Variants in CAPN5 observed in about 807,000 individuals in gnomAD.
The protein encoded by CAPN5 is calpain 5, also known as calpain-5.
A neutral mutation model predicts 73.0 loss-of-function variants in CAPN5; 54 were observed. The ratio of observed to expected loss-of-function variants is 0.74; its 90% CI spans 0.59 to 0.93. The LOEUF (loss-of-function observed/expected upper bound fraction) is 0.93. Among genes scored for constraint, CAPN5 ranks in the 40% least tolerant of loss-of-function variants. The pLI, the probability that CAPN5 is intolerant of heterozygous loss-of-function variation, is 0.00. For synonymous variants in CAPN5, 335 were observed against 356.9 expected, an observed-to-expected ratio of 0.94 and a Z score of 0.69; for missense variants, 785 against 882.9, an observed-to-expected ratio of 0.89 and a Z score of 1.41.
chr11:77,122,098 T>C, intron 11 of CAPN5, 49 bp downstream of exon 11: 2 of 1,133,054 alleles, frequency 1.8e-6, no homozygotes, highest in Non-Finnish European at 2.5e-6. Flanking sequence ...AGTTGTCCCA[T>C]GGCCTCTCTC....
intron 1 of CAPN5, among the ~76,000 whole-genome samples, chr11:77,079,823 G>A (rs1053914657): frequency 1.3e-5 from 2 of 151,502 alleles, no homozygotes; most frequent in Non-Finnish European, 2.9e-5. Flanking sequence ...GTCTGTGTGT[G>A]TGTTTCACTT....
rs782494182 is a variant in CAPN5 at position 77,115,536 on chromosome 11, C to T, written c.841C>T (p.Arg281Cys). ...FFKSEKLDMI[R>C]LRNPWGEREW... ...CAAGTCAGAGAAGTTGGACATGATC[C>T]GCCTGCGCAACCCCTGGGGCGAGCG... is the stretch of plus-strand genomic sequence containing the variant. The change falls in exon 6 of 13, where the codon CGC becomes TGC. Residue 281 changes from arginine (R) to cysteine (C), a missense_variant. Arg to Cys is a radical substitution (Grantham distance 180). Transcript: ENST00000648180. The T allele has an allele frequency of 1.2e-5, 19 of 1,613,124 alleles. No homozygotes were observed. The highest frequency in any genetic ancestry group is 1.8e-4 in the Middle Eastern group (1 of 5,506).
Position 77,125,388 on chromosome 11 carries a change from G to A in CAPN5, c.*1518G>A, listed in dbSNP as rs965238725. 4.6e-5 allele frequency: 7 copies of A among 152,582 alleles called. No homozygotes were observed. Among genetic ancestry groups the A allele is most frequent in the African/African-American group, 1.4e-4 (6 of 41,442 alleles). 9.5% of individuals were successfully genotyped at this position (152,582 alleles called of 1,614,324 possible). A position where few individuals can be genotyped will look rare whatever the true frequency, so the allele number is the denominator to read the frequency against. On this transcript the variant is annotated 3_prime_UTR_variant, in exon 13 of 13. Coordinates refer to ENST00000648180, the MANE Select transcript of CAPN5 (RefSeq NM_004055.5). ...GGGGCCAGGAAATGAACGACAAGGA[G>A]GATAAGAGTGTTCTTTCTTGAAAGC...
At chr11:77,111,118 G>C (rs540130696) in intron 3 of CAPN5, among the ~76,000 whole-genome samples, 1 of 152,212 alleles carries the variant, frequency 6.6e-6, no homozygotes, top group South Asian at 2.1e-4. Context: ...TGCGGATGCT[G>C]CTGAGTAGGG....
At chr11:77,093,510 G>A (rs765242831) in intron 2 of CAPN5, among the ~76,000 whole-genome samples, 172 bp from the exon 3 acceptor site, 35 of 152,222 alleles carry the variant, frequency 2.3e-4, no homozygotes, top group Non-Finnish European at 4.4e-4. Context: ...CAAGCGGGGA[G>A]CAGATGGGCC....
At chr11:77,074,833 G>A (rs1949951474) in intron 1 of CAPN5, among the ~76,000 whole-genome samples, 2 of 152,174 alleles carry the variant, frequency 1.3e-5, no homozygotes, top group Admixed American at 6.5e-5. Flanking sequence ...GAGCACAGGA[G>A]AAGGACCCTC....
At chr11:77,120,024 G>C (rs1950507031) in intron 9 of CAPN5, 1 of 152,206 alleles carries the variant, frequency 6.6e-6, no homozygotes, top group African/African-American at 2.4e-5. Context: ...ATTGTTACCA[G>C]GGGGATTCCT....
chr11:77,104,624 C>G (rs1385528621), intron 3 of CAPN5, among the ~76,000 whole-genome samples: 3 of 152,230 alleles, frequency 2.0e-5, no homozygotes, highest in Non-Finnish European at 4.4e-5. Flanking sequence ...CCAGAGAGCC[C>G]CCCCTTTTGG....
intron 3 of CAPN5, among the ~76,000 whole-genome samples, chr11:77,107,416 C>T (rs1373098021): frequency 6.6e-6 from 1 of 152,174 alleles, no homozygotes; most frequent in Non-Finnish European, 1.5e-5. Context: ...AAGCTCCCTG[C>T]CTGTGCCCCA....
chr11:77,114,511 C>T, intron 5 of CAPN5, 77 bp downstream of exon 5: 1 of 1,348,406 alleles, frequency 7.4e-7, no homozygotes, highest in African/African-American at 1.4e-5. Flanking sequence ...ACTGTGACAT[C>T]CCACGCTCAG....
At chr11:77,084,364 AGAAT>A (rs1285472930) in intron 1 of CAPN5, among the ~76,000 whole-genome samples, 6 of 152,284 alleles carry the variant, frequency 3.9e-5, no homozygotes, top group Admixed American at 2.0e-4. Flanking sequence ...AGGACCGGAG[AGAAT>A]GAATGAATGA....
chr11:77,103,448 GC>G, intron 3 of CAPN5: 1 of 1,253,016 alleles, frequency 8.0e-7, no homozygotes, highest in Non-Finnish European at 1.1e-6. Context: ...TCCTCTGCTT[GC>G]CCAGAGGCCC....
intron 9 of CAPN5, chr11:77,119,390 A>C (rs1555042335): frequency 3.7e-6 from 2 of 546,450 alleles, no homozygotes; most frequent in Non-Finnish European, 6.6e-6. Context: ...TCTGCCTAAG[A>C]CCCACAGGCC....
At chr11:77,073,179 T>A in intron 1 of CAPN5, 2 of 1,120,014 alleles carry the variant, frequency 1.8e-6, no homozygotes, top group Non-Finnish European at 2.4e-6. Context: ...ACTGTGGGTT[T>A]CCTGGATGTG....
At chr11:77,091,690 G>A (rs1453665303) in intron 2 of CAPN5, among the ~76,000 whole-genome samples, 1 of 152,176 alleles carries the variant, frequency 6.6e-6, no homozygotes, top group Non-Finnish European at 1.5e-5. Context: ...TGTTCCCTGG[G>A]CCAGGGCTAG....
chr11:77,102,697 G>T, intron 3 of CAPN5: 2 of 978,078 alleles, frequency 2.0e-6, no homozygotes, highest in Non-Finnish European at 2.9e-6. Flanking sequence ...ACTGAGTGGG[G>T]CTGGGAAGAG....
intron 1 of CAPN5, among the ~76,000 whole-genome samples, chr11:77,073,652 C>T (rs1484482948): frequency 2.0e-5 from 3 of 152,220 alleles, no homozygotes; most frequent in Non-Finnish European, 4.4e-5. Context: ...CCGCAAGGCC[C>T]TCTGTGTCTC....
chr11:77,074,786 C>G lies in CAPN5; in HGVS notation c.-36+7692C>G, dbSNP rs948975. On this transcript the variant is annotated intron_variant, in intron 1 of 12. Transcript: ENST00000648180. Reference sequence around the variant, plus strand: ...TGATACTCACTCTGCCAGGCCTGTGCTTTGCGCTGGGCACCACTGTGGGGT... The same window carrying G: ...TGATACTCACTCTGCCAGGCCTGTGGTTTGCGCTGGGCACCACTGTGGGGT... 3.5e-4 allele frequency among the ~76,000 whole-genome samples: 54 copies of G among 152,314 alleles called. 1 individual carries two copies. The East Asian group carries it at 0.01, about 29-fold the overall frequency.
At chr11:77,098,237 C>G (rs1448219504) in intron 3 of CAPN5, among the ~76,000 whole-genome samples, 1 of 86,556 alleles carries the variant, frequency 1.2e-5, no homozygotes, top group Non-Finnish European at 2.3e-5. Context: ...GCTGACCCCC[C>G]CCACCTCCCT....
Sources: allele counts gnomAD v4.1 joint callset (sites outside exome capture counted in the v4.1 genomes callset), GRCh38; gene constraint gnomAD v4.1.1; transcripts MANE v1.5; gene names NCBI Gene and HGNC (gene_info 2026-07-23, HGNC 2026-07-21).